The following SMTN variants were observed in gnomAD, a reference collection of about 807,000 sequenced individuals.
SMTN encodes the protein smoothelin.
SMTN carries 58 observed loss-of-function variants against 102.0 expected under a neutral mutation model. The ratio of observed to expected loss-of-function variants is 0.57; its 90% confidence interval spans 0.46 to 0.71. SMTN has a LOEUF of 0.71. Ranked by LOEUF, SMTN falls within the 30% of genes least tolerant of loss-of-function variation. SMTN has a pLI of 0.00. For synonymous variants in SMTN, 478 were observed against 497.9 expected (o/e 0.96, Z 0.53); for missense variants, 1,185 against 1,241.7 (o/e 0.95, Z 0.69).
rs144949047 is a variant in SMTN at position 31,104,429 on chromosome 22, G to A, written c.*134G>A. ...GTGCAGTCGCTCTACAACCACCTGC[G>A]ACGCCACGAACTGCGCCTGCGCGGC... On this transcript the variant is annotated 3_prime_UTR_variant, in exon 21 of 21. Coordinates refer to ENST00000333137, the MANE Select transcript of SMTN (RefSeq NM_134269.3). The A allele has an allele frequency of 9.7e-5, 157 of 1,614,104 alleles. No individual in the cohort carries two copies. The highest frequency in any genetic ancestry group is 9.7e-4 in the Admixed American group (58 of 60,030).
At chr22:31,084,000 G>A (rs2042487129) in intron 2 of SMTN, among the ~76,000 whole-genome samples, 1 of 152,242 alleles carries the variant, frequency 6.6e-6, no homozygotes, top group South Asian at 2.1e-4. Flanking sequence ...AAAATGAAGG[G>A]AGGGAGGGAG....
intron 16 of SMTN, 100 bp downstream of exon 16, chr22:31,097,438 T>C: frequency 9.1e-7 from 1 of 1,099,276 alleles, no homozygotes; most frequent in Non-Finnish European, 1.4e-6. Context: ...GCACAGTGGC[T>C]CTTGCCTGTA....
chr22:31,069,144 C>G (rs1296062000), intron 1 of SMTN, among the ~76,000 whole-genome samples: 1 of 152,106 alleles, frequency 6.6e-6, no homozygotes, highest in African/African-American at 2.4e-5. Flanking sequence ...GCGGGGTTTG[C>G]CCCCACCTGG....
chr22:31,093,656 A>C (rs2043325310), intron 11 of SMTN: 2 of 791,446 alleles, frequency 2.5e-6, no homozygotes, highest in Non-Finnish European at 4.6e-6. Flanking sequence ...CGGCGGCTGG[A>C]TGCACTGAGC....
Position 31,104,575 on chromosome 22 carries a change from C to A in SMTN, c.*280C>A. ...GCTGCCCTGTCTGTTGCGACACCCT[C>A]CCCCCCACATACACACGCAGCGTTT... is the stretch of plus-strand genomic sequence containing the variant. On this transcript the variant is annotated 3_prime_UTR_variant, in exon 21 of 21. Transcript: ENST00000333137. 1 of 1,056,716 alleles carries A rather than the reference C, an allele frequency of 9.5e-7. No individual in the cohort carries two copies. Among genetic ancestry groups the A allele is most frequent in the Non-Finnish European group, 1.4e-6 (1 of 706,490 alleles). The allele number at this position is 1,056,716 out of a possible 1,614,324, so 65.5% of individuals were successfully genotyped here. A position where few individuals can be genotyped will look rare whatever the true frequency, so the allele number is the denominator to read the frequency against.
chr22:31,097,356 A>G lies in SMTN; in HGVS notation c.2159+18A>G, dbSNP rs762746298. The G allele has an allele frequency of 9.9e-6, 16 of 1,608,136 alleles. No homozygotes were observed. The highest frequency in any genetic ancestry group is 1.3e-5 in the Non-Finnish European group (15 of 1,175,016). ...ATGGGCAGGTGAGCACCAGCACCCA[A>G]TCCCTGACCATAGAGGAGTCAGTGC... On this transcript the variant is annotated intron_variant, in intron 16 of 20. Coordinates refer to ENST00000333137, the MANE Select transcript of SMTN (RefSeq NM_134269.3).
intron 1 of SMTN, among the ~76,000 whole-genome samples, chr22:31,069,330 C>T (rs529825779): frequency 3.3e-5 from 5 of 152,252 alleles, no homozygotes; most frequent in South Asian, 2.1e-4. Context: ...GGGACTAGAG[C>T]GACCGTTCCC....
chr22:31,078,878 C>CAAAAA (rs35660737), upstream of SMTN, among the ~76,000 whole-genome samples: 1 of 151,016 alleles, frequency 6.6e-6, no homozygotes, highest in Non-Finnish European at 1.5e-5. Context: ...ACCCTGTCTC[C>CAAAAA]AAAAAAAATA....
chr22:31,099,183 A>C lies in SMTN; in HGVS notation c.2451+4A>C, dbSNP rs2043875838. 1 of 1,607,170 alleles carries C rather than the reference A, an allele frequency of 6.2e-7. No individual in the cohort carries two copies. The highest frequency in any genetic ancestry group is 8.5e-7 in the Non-Finnish European group (1 of 1,175,772). Reference sequence around the variant, plus strand: ...AGCCAAGACTCGCGGCTACGAGGTGAGCCCCGGGAGGCCAGGGGGCCTGGA... The same window carrying C: ...AGCCAAGACTCGCGGCTACGAGGTGCGCCCCGGGAGGCCAGGGGGCCTGGA... On this transcript the variant is annotated splice_donor_region_variant and intron_variant, in intron 18 of 20. Transcript: ENST00000333137.
intron 2 of SMTN, chr22:31,085,066 G>A (rs1157650999): frequency 6.5e-7 from 1 of 1,532,448 alleles, no homozygotes; most frequent in African/African-American, 1.4e-5. Flanking sequence ...TGAGGATTGG[G>A]CCGGGGATGG....
At position 31,087,971 on chromosome 22, in the gene SMTN, G is replaced by T. The variant is rs1330156381; in HGVS notation, c.58G>T (p.Val20Phe). Reference protein sequence around the residue: ...DEGALRKLLEVTADLAERRRI... With the variant: ...DEGALRKLLEFTADLAERRRI... ...CCTCTCGCACCCACTGCAGCTGGAG[G>T]TCACAGCAGATCTGGCAGAGCGGCG... The change falls in exon 3 of 21, where the codon GTC (valine) becomes TTC (phenylalanine). Residue 20 changes from valine to phenylalanine, a missense_variant. Physicochemically the swap from Val to Phe is conservative, Grantham distance 50. This residue lies in a region of SMTN where 1,096 missense variants were observed against 1,112.7 expected (regional missense o/e 0.98). Transcript: ENST00000333137. 5.0e-6 allele frequency: 8 copies of T among 1,597,034 alleles called. No homozygotes were observed. The highest frequency in any genetic ancestry group is 6.8e-6 in the Non-Finnish European group (8 of 1,168,602).
intron 19 of SMTN, 45 bp downstream of exon 19, chr22:31,099,941 G>GCTGGACATCGGGACCAGGC: frequency 6.3e-7 from 1 of 1,593,424 alleles, no homozygotes; most frequent in Non-Finnish European, 8.6e-7. Flanking sequence ...CACATCTGGG[G>GCTGGACATCGGGACCAGGC]CTGGACATCG....
At chr22:31,084,136 C>A (rs1384829931) in intron 2 of SMTN, among the ~76,000 whole-genome samples, 5 of 152,178 alleles carry the variant, frequency 3.3e-5, no homozygotes, top group African/African-American at 7.2e-5. Context: ...TTCCTGAGAG[C>A]CCTGTCTACC....
At chr22:31,092,959 C>G (rs1163533671) in intron 11 of SMTN, among the ~76,000 whole-genome samples, 1 of 152,254 alleles carries the variant, frequency 6.6e-6, no homozygotes, top group Non-Finnish European at 1.5e-5. Context: ...CCATTTCCCC[C>G]ATCTGTTCCA....
At chr22:31,073,380 T>G (rs1161550577) in intron 1 of SMTN, among the ~76,000 whole-genome samples, 1 of 152,198 alleles carries the variant, frequency 6.6e-6, no homozygotes, top group East Asian at 1.9e-4. Context: ...TGTTCTCATT[T>G]TTCCTGCAGT....
chr22:31,098,787 C>G lies in SMTN; in HGVS notation c.2280C>G (p.Ala760=), dbSNP rs1185299010. 6.2e-7 allele frequency: 1 copy of G among 1,612,912 alleles called. No individual in the cohort carries two copies. The highest frequency in any genetic ancestry group is 8.5e-7 in the Non-Finnish European group (1 of 1,179,866). Residue 760 remains alanine (A), a synonymous_variant, in exon 17 of 21, where the codon GCC becomes GCG. Coordinates refer to ENST00000333137, the MANE Select transcript of SMTN (RefSeq NM_134269.3). The part of the protein sequence containing the change: ...MKAQSLPKTS[A]SQARKAMIEK... ...CGCAGAGTCTGCCCAAGACCTCAGCCTCCCAGGCGCGCAAGGCCATGATTG... is the reference window on the plus strand; with the variant it reads ...CGCAGAGTCTGCCCAAGACCTCAGCGTCCCAGGCGCGCAAGGCCATGATTG...
At chr22:31,075,226 G>A (rs1311624949) in intron 1 of SMTN, among the ~76,000 whole-genome samples, 5 of 151,934 alleles carry the variant, frequency 3.3e-5, no homozygotes, top group South Asian at 2.1e-4. Context: ...TTTTTTCTTC[G>A]TCTAAAGAAA....
chr22:31,098,196 C>T (rs1164602200), intron 16 of SMTN, among the ~76,000 whole-genome samples: 5 of 152,190 alleles, frequency 3.3e-5, no homozygotes, highest in Non-Finnish European at 5.9e-5. Flanking sequence ...CCGCCCATCA[C>T]GTCCTCTGAA....
At position 31,090,132 on chromosome 22, in the gene SMTN, C is replaced by T. The variant is rs905655354; in HGVS notation, c.817C>T (p.Pro273Ser). 3.7e-6 allele frequency: 6 copies of T among 1,612,832 alleles called. No individual in the cohort carries two copies. Among genetic ancestry groups the T allele is most frequent in the Non-Finnish European group, 5.1e-6 (6 of 1,179,402 alleles). The change falls in exon 8 of 21, where the codon CCT becomes TCT. Residue 273 changes from proline (P) to serine (S), a missense_variant. Pro to Ser is a moderately conservative substitution (Grantham distance 74, BLOSUM62 -1). Coordinates refer to ENST00000333137, the MANE Select transcript of SMTN (RefSeq NM_134269.3). Reference sequence around the variant, plus strand: ...GCTTCTGTCTGGCCCCAAAGAGACCCCTGCTGCCCAGAGCCCCACCAGAGG... The same window carrying T: ...GCTTCTGTCTGGCCCCAAAGAGACCTCTGCTGCCCAGAGCCCCACCAGAGG... Reference protein sequence around the residue: ...NKLLSGPKETPAAQSPTRGPS... With the variant: ...NKLLSGPKETSAAQSPTRGPS...
Sources: gnomAD v4.1 joint callset for allele counts (sites outside exome capture counted in the v4.1 genomes callset) on GRCh38, gnomAD v4.1.1 for gene constraint, gnomAD v4.1.1 regional missense constraint, MANE v1.5 for transcripts, NCBI Gene and HGNC (gene_info 2026-07-23, HGNC 2026-07-21) for gene names.